Variants in CSMD3 observed in about 807,000 individuals in gnomAD.
CSMD3 encodes CUB and sushi domain-containing protein 3.
Under a neutral mutation model 435.2 loss-of-function variants are expected in CSMD3, and 177 were observed. The observed-to-expected ratio is 0.41, with a 90% CI of 0.36 to 0.46. CSMD3 has a LOEUF of 0.46. CSMD3 is among the 20% of genes least tolerant of loss of function. The pLI, the probability that CSMD3 is intolerant of heterozygous loss-of-function variation, is 0.34. For missense variants in CSMD3, 4,265 were observed against 4,504.6 expected (o/e 0.95, Z 1.52); for synonymous variants, 1,656 against 1,520.5 (o/e 1.09, Z -2.07).
At chr8:112,267,393 A>AT (rs1319137447) in intron 59 of CSMD3, among the ~76,000 whole-genome samples, 1 of 151,934 alleles carries the variant, frequency 6.6e-6, no homozygotes, top group Admixed American at 6.6e-5. Context: ...GAGTAAAAAG[A>AT]TTTTTTTTAA....
intron 22 of CSMD3, among the ~76,000 whole-genome samples, chr8:112,636,542 A>T (rs1288159810): frequency 1.0e-4 from 1 of 9,946 alleles, no homozygotes; most frequent in Non-Finnish European, 2.7e-4. Context: ...TCATATTTCT[A>T]TCTATCTATC....
chr8:113,034,572 G>A (rs753051549), intron 5 of CSMD3, among the ~76,000 whole-genome samples: 2 of 152,100 alleles, frequency 1.3e-5, no homozygotes, highest in Non-Finnish European at 2.9e-5. Flanking sequence ...GTGAGTGTAT[G>A]TTTTCTGCTA....
chr8:113,309,097 G>A (rs2093847012), intron 2 of CSMD3: 1 of 151,900 alleles, frequency 6.6e-6, no homozygotes, highest in Non-Finnish European at 1.5e-5. Flanking sequence ...TACAGGCACA[G>A]GCCACCACAC....
intron 5 of CSMD3, among the ~76,000 whole-genome samples, chr8:113,075,616 T>C (rs1279442623): frequency 6.6e-6 from 1 of 151,834 alleles, no homozygotes; most frequent in Non-Finnish European, 1.5e-5. Flanking sequence ...CTCATCAACA[T>C]AGAAACATAG....
chr8:112,297,425 C>T lies in CSMD3; in HGVS notation c.8441-1419G>A, dbSNP rs186605781. ...GGATTTATCCAGAAATGAAGTTTGGCTAAATATGAAAAATTACTGTAATTT... is the reference window on the plus strand; with the variant it reads ...GGATTTATCCAGAAATGAAGTTTGGTTAAATATGAAAAATTACTGTAATTT... On this transcript the variant is annotated intron_variant, in intron 53 of 70. Transcript: ENST00000297405. 2.8e-4 allele frequency among the ~76,000 whole-genome samples: 42 copies of T among 151,764 alleles called. No individual in the cohort carries two copies. In the East Asian group the frequency reaches 7.7e-3, roughly 28 times the overall value.
chr8:112,909,834 T>G (rs1162073780), intron 10 of CSMD3, among the ~76,000 whole-genome samples: 14 of 151,766 alleles, frequency 9.2e-5, no homozygotes, highest in Non-Finnish European at 2.1e-4. Flanking sequence ...TCTTTGAAAT[T>G]TAACATGCAA....
chr8:113,369,596 T>C (rs1264753964), intron 1 of CSMD3, among the ~76,000 whole-genome samples: 2 of 151,916 alleles, frequency 1.3e-5, no homozygotes, highest in African/African-American at 4.8e-5. Flanking sequence ...CAAAGAGATA[T>C]CTGAATTCCC....
intron 13 of CSMD3, among the ~76,000 whole-genome samples, chr8:112,760,003 C>A (rs2077798585): frequency 6.6e-6 from 1 of 152,076 alleles, no homozygotes. Context: ...AGTAACTCTT[C>A]AAGGTCACAA....
At chr8:113,197,074 C>G (rs2092665085) in intron 3 of CSMD3, among the ~76,000 whole-genome samples, 1 of 151,286 alleles carries the variant, frequency 6.6e-6, no homozygotes, top group South Asian at 2.1e-4. Context: ...TAAACATTCA[C>G]TGATTAAATA....
chr8:113,116,994 G>T (rs1180338497), intron 4 of CSMD3, among the ~76,000 whole-genome samples: 1 of 152,176 alleles, frequency 6.6e-6, no homozygotes, highest in East Asian at 1.9e-4. Context: ...CGGCATAAAA[G>T]TTTGGAAAAT....
chr8:112,862,028 C>A (rs1213882865), intron 10 of CSMD3, among the ~76,000 whole-genome samples: 1 of 151,936 alleles, frequency 6.6e-6, no homozygotes, highest in Non-Finnish European at 1.5e-5. Flanking sequence ...TAAAATAGTG[C>A]TCTCTTCATG....
At chr8:113,268,629 A>C (rs114804850) in intron 3 of CSMD3, among the ~76,000 whole-genome samples, 1,609 of 152,188 alleles carry the variant, frequency 0.011, 34 homozygotes, top group African/African-American at 0.036. Context: ...ATATTTAAGA[A>C]ACAGGAATAT....
At chr8:112,518,563 G>T (rs879587805) in intron 27 of CSMD3, among the ~76,000 whole-genome samples, 1 of 150,956 alleles carries the variant, frequency 6.6e-6, no homozygotes, top group East Asian at 2.0e-4. Context: ...AGAATCTGAG[G>T]AATTATAGTC....
At chr8:112,545,145 C>T (rs1216266652) in intron 27 of CSMD3, among the ~76,000 whole-genome samples, 1 of 152,086 alleles carries the variant, frequency 6.6e-6, no homozygotes, top group African/African-American at 2.4e-5. Context: ...CATGCTGTAG[C>T]ATAACTATCT....
chr8:113,257,303 TG>T (rs2093390135), intron 3 of CSMD3, among the ~76,000 whole-genome samples: 1 of 151,926 alleles, frequency 6.6e-6, no homozygotes, highest in African/African-American at 2.4e-5. Context: ...CCCAGCTACA[TG>T]GAAGGCTGAG....
chr8:112,424,992 T>C (rs1227505637), intron 32 of CSMD3, among the ~76,000 whole-genome samples: 1 of 152,172 alleles, frequency 6.6e-6, no homozygotes, highest in Non-Finnish European at 1.5e-5. Flanking sequence ...GCTTGACCTA[T>C]TTTTTATTTA....
At chr8:112,675,806 G>A (rs2075758336) in intron 16 of CSMD3, among the ~76,000 whole-genome samples, 1 of 152,080 alleles carries the variant, frequency 6.6e-6, no homozygotes, top group African/African-American at 2.4e-5. Context: ...CTGAATAAAA[G>A]CAGAGACAGA....
At chr8:112,526,751 GT>G (rs1345780108) in intron 27 of CSMD3, among the ~76,000 whole-genome samples, 3 of 151,654 alleles carry the variant, frequency 2.0e-5, no homozygotes, top group Admixed American at 6.6e-5. Context: ...TTTGCTTAAA[GT>G]TTTTTTAAAA....
At chr8:112,384,966 T>C (rs546475189) in intron 36 of CSMD3, among the ~76,000 whole-genome samples, 9 of 152,314 alleles carry the variant, frequency 5.9e-5, no homozygotes, top group South Asian at 2.1e-4. Context: ...GCTGAAGATA[T>C]TGAGTTATTC....
Sources: allele counts gnomAD v4.1 joint callset (sites outside exome capture counted in the v4.1 genomes callset), GRCh38; gene constraint gnomAD v4.1.1; transcripts MANE v1.5; gene names NCBI Gene and HGNC (gene_info 2026-07-23, HGNC 2026-07-21).